The following ITFG1 variants were observed in gnomAD, a reference collection of about 807,000 sequenced individuals.
ITFG1 encodes integrin alpha FG-GAP repeat containing 1.
ITFG1 carries 34 observed loss-of-function variants against 81.8 expected under a neutral mutation model. The ratio of observed to expected loss-of-function variants is 0.42; its 90% CI spans 0.32 to 0.55. The LOEUF (loss-of-function observed/expected upper bound fraction) is 0.55, where lower values mean the gene tolerates loss of function less well. Ranked by LOEUF, ITFG1 falls within the 20% of genes least tolerant of loss-of-function variation. The pLI is 0.17. For missense variants in ITFG1, 672 were observed against 755.4 expected (o/e 0.89, Z 1.29); for synonymous variants, 285 against 270.6 (o/e 1.05, Z -0.52).
intron 12 of ITFG1, among the ~76,000 whole-genome samples, chr16:47,252,541 A>G (rs568539746): frequency 2.6e-5 from 4 of 152,332 alleles, no homozygotes; most frequent in East Asian, 1.9e-4. Context: ...TCTGACAGGA[A>G]TAACAATAAA....
Position 47,258,689 on chromosome 16 carries a change from CA to C in ITFG1, c.1272del (p.Phe424LeufsTer6). ...AAGTTATTTTTTAGTGTATGAATGGCAAAATCATTCTTTGTATATCCTTTAC... is the reference window on the plus strand; with the variant it reads ...AAGTTATTTTTTAGTGTATGAATGGCAAATCATTCTTTGTATATCCTTTAC... ...VLSKGYTKNDFAIHTLKNNFE... is the reference protein window; with the variant it reads ...VLSKGYTKNDXAIHTLKNNFE... On this transcript the variant is annotated frameshift_variant, in exon 12 of 18. Coordinates refer to ENST00000320640, the MANE Select transcript of ITFG1 (RefSeq NM_030790.5). LOFTEE classifies it high-confidence loss of function. 2 of 1,559,286 alleles carry C rather than the reference CA, an allele frequency of 1.3e-6. No homozygotes were observed. Among genetic ancestry groups the C allele is most frequent in the South Asian group, 1.2e-5 (1 of 85,774 alleles).
chr16:47,197,365 TAGCTTA>T (rs550498895), intron 14 of ITFG1, among the ~76,000 whole-genome samples: 2 of 152,354 alleles, frequency 1.3e-5, no homozygotes, highest in South Asian at 4.1e-4. Context: ...ACTAAGTTTT[TAGCTTA>T]ACTCTTTCAA....
chr16:47,186,533 A>T (rs1042070683), intron 14 of ITFG1, among the ~76,000 whole-genome samples: 4 of 152,266 alleles, frequency 2.6e-5, no homozygotes, highest in African/African-American at 7.2e-5. Context: ...CAATAGATGC[A>T]GAAAAGGCCT....
At chr16:47,186,485 T>C (rs1159856025) in intron 14 of ITFG1, among the ~76,000 whole-genome samples, 30 of 152,262 alleles carry the variant, frequency 2.0e-4, no homozygotes, top group East Asian at 1.9e-4. Context: ...TAATCCAGCA[T>C]AGAAACAGAA....
At chr16:47,373,006 C>T (rs772921713) in intron 7 of ITFG1, among the ~76,000 whole-genome samples, 1 of 152,210 alleles carries the variant, frequency 6.6e-6, no homozygotes, top group Non-Finnish European at 1.5e-5. Flanking sequence ...CTCTGTTCAT[C>T]TCACTCTCAG....
At chr16:47,156,730 C>G (rs1275689215) in intron 17 of ITFG1, among the ~76,000 whole-genome samples, 1 of 152,070 alleles carries the variant, frequency 6.6e-6, no homozygotes, top group East Asian at 1.9e-4. Context: ...GGTATTCACT[C>G]CAAGCTGGGG....
chr16:47,335,822 C>G (rs922031993), intron 8 of ITFG1, among the ~76,000 whole-genome samples: 1 of 152,100 alleles, frequency 6.6e-6, no homozygotes, highest in African/African-American at 2.4e-5. Context: ...AAATGTTAAG[C>G]ATACACTTAT....
chr16:47,461,138 C>T (rs768780032), upstream of ITFG1: 9 of 1,263,016 alleles, frequency 7.1e-6, no homozygotes, highest in African/African-American at 1.5e-5. Flanking sequence ...GGCGCGCAGC[C>T]CCGGGACGCG....
chr16:47,387,331 T>C (rs1456897968), intron 6 of ITFG1, among the ~76,000 whole-genome samples: 1 of 152,212 alleles, frequency 6.6e-6, no homozygotes, highest in Non-Finnish European at 1.5e-5. Context: ...AATAACAAGC[T>C]TTGGGGAGTG....
chr16:47,304,657 C>T (rs1293896246), intron 10 of ITFG1, among the ~76,000 whole-genome samples: 5 of 152,066 alleles, frequency 3.3e-5, no homozygotes, highest in African/African-American at 9.7e-5. Flanking sequence ...CAAGACAGGC[C>T]TGAATCTAAG....
chr16:47,453,458 G>A (rs1361734574), intron 3 of ITFG1, among the ~76,000 whole-genome samples: 1 of 152,188 alleles, frequency 6.6e-6, no homozygotes, highest in Non-Finnish European at 1.5e-5. Context: ...TGTGGCATCT[G>A]AGATGCTGAA....
intron 5 of ITFG1, among the ~76,000 whole-genome samples, chr16:47,437,463 A>G (rs1969182146): frequency 1.3e-5 from 2 of 149,418 alleles, no homozygotes. Flanking sequence ...GTGAGAGTCC[A>G]TCTCCTGAAA....
Position 47,260,687 on chromosome 16 carries a change from T to A in ITFG1, c.1079A>T (p.Gln360Leu), listed in dbSNP as rs1274230536. 1.2e-6 allele frequency: 2 copies of A among 1,614,182 alleles called. No homozygotes were observed. The highest frequency in any genetic ancestry group is 1.7e-5 in the Admixed American group (1 of 60,028). ...AGGGACGTTCTCCAGTAAAAAGGCC[T>A]GCTGGTTGCTGTGCGCCAAAGGAAA... The part of the protein sequence containing the change: ...ILKNTSGSNQ[Q>L]AFLLENVPCN... Residue 360 changes from glutamine (Q) to leucine (L), a missense_variant, in exon 11 of 18, where the codon CAG becomes CTG. Transcript: ENST00000320640.
chr16:47,334,296 T>C (rs565770106), intron 8 of ITFG1, among the ~76,000 whole-genome samples: 32 of 152,190 alleles, frequency 2.1e-4, no homozygotes, highest in African/African-American at 7.5e-4. Flanking sequence ...GGTGTGCTGG[T>C]GTGTGCCTGT....
At chr16:47,434,764 A>G (rs532773095) in intron 5 of ITFG1, among the ~76,000 whole-genome samples, 3 of 152,196 alleles carry the variant, frequency 2.0e-5, no homozygotes, top group Non-Finnish European at 2.9e-5. Flanking sequence ...CATGGAATCA[A>G]CCTAAACCCT....
At position 47,173,203 on chromosome 16, in the gene ITFG1, C is replaced by A. The variant is rs575282634; in HGVS notation, c.1454-10539G>T. Among the ~76,000 whole-genome samples, 51 of 152,276 alleles carry A rather than the reference C, an allele frequency of 3.3e-4. 1 individual carries two copies. The South Asian group carries it at 9.5e-3, about 28-fold the overall frequency. ...CCCTCTTGCCCAGCAATCCCAATCC[C>A]TTTTACTCTGCTTTATTCCCTCTTC... On this transcript the variant is annotated intron_variant, in intron 14 of 17. Transcript: ENST00000320640.
chr16:47,427,581 G>A (rs1279757923), intron 6 of ITFG1, among the ~76,000 whole-genome samples: 1 of 152,064 alleles, frequency 6.6e-6, no homozygotes. Context: ...GGCAGAGATC[G>A]CACCACTGCA....
chr16:47,281,825 GC>G (rs1361657534), intron 10 of ITFG1, among the ~76,000 whole-genome samples: 4 of 151,826 alleles, frequency 2.6e-5, no homozygotes, highest in African/African-American at 4.8e-5. Flanking sequence ...CCAAAAACCA[GC>G]TTTTGATTTG....
chr16:47,414,369 C>CA (rs1052836134), intron 6 of ITFG1, among the ~76,000 whole-genome samples: 2 of 150,912 alleles, frequency 1.3e-5, no homozygotes, highest in Non-Finnish European at 3.0e-5. Context: ...ACTAAAAATA[C>CA]AAAAAAATTA....
Sources: gnomAD v4.1 joint callset for allele counts (sites outside exome capture counted in the v4.1 genomes callset) on GRCh38, gnomAD v4.1.1 for gene constraint, MANE v1.5 for transcripts, NCBI Gene and HGNC (gene_info 2026-07-23, HGNC 2026-07-21) for gene names.